UNC13B: variants seen among roughly 807,000 people sequenced by gnomAD.
The protein encoded by UNC13B is unc-13 homolog B.
Under a neutral mutation model 211.0 loss-of-function variants are expected in UNC13B, and 144 were observed. The observed-to-expected ratio is 0.68, with a 90% confidence interval of 0.60 to 0.78. The LOEUF is 0.78. Ranked by LOEUF, UNC13B falls within the 30% of genes least tolerant of loss-of-function variation. UNC13B has a pLI of 0.00. For missense variants in UNC13B, 1,777 were observed against 2,002.0 expected (o/e 0.89, Z 2.14); for synonymous variants, 709 against 725.8 (o/e 0.98, Z 0.37).
chr9:35,277,794 ACATATT>A (rs1487040050), intron 7 of UNC13B, among the ~76,000 whole-genome samples: 1 of 152,096 alleles, frequency 6.6e-6, no homozygotes, highest in African/African-American at 2.4e-5. Flanking sequence ...ATTTATAATT[ACATATT>A]CACATTGTGT....
chr9:35,217,386 TG>T (rs1824306719), intron 1 of UNC13B, among the ~76,000 whole-genome samples: 4 of 150,180 alleles, frequency 2.7e-5, no homozygotes, highest in Admixed American at 2.6e-4. Context: ...CTTGTTTGTT[TG>T]TTTTTTTTGT....
intron 1 of UNC13B, among the ~76,000 whole-genome samples, chr9:35,185,995 C>T (rs368196696): frequency 2.5e-4 from 38 of 151,644 alleles, no homozygotes; most frequent in African/African-American, 8.2e-4. Context: ...AATGGACCTC[C>T]CCCCTTGGCC....
chr9:35,250,773 C>T (rs1345138619), intron 6 of UNC13B, among the ~76,000 whole-genome samples: 2 of 152,116 alleles, frequency 1.3e-5, no homozygotes, highest in East Asian at 1.9e-4. Flanking sequence ...ATACTCCTAC[C>T]AGCAGTGTAT....
intron 7 of UNC13B, among the ~76,000 whole-genome samples, chr9:35,270,660 T>G (rs1827824267): frequency 6.6e-6 from 1 of 152,188 alleles, no homozygotes; most frequent in South Asian, 2.1e-4. Context: ...TTTAACAAAA[T>G]TTTATAATGT....
At chr9:35,368,504 A>G (rs1178223583) in intron 12 of UNC13B, among the ~76,000 whole-genome samples, 3 of 152,182 alleles carry the variant, frequency 2.0e-5, no homozygotes, top group African/African-American at 7.2e-5. Context: ...ATTGTGAATA[A>G]TGCTGCAGCG....
chr9:35,213,063 A>G (rs993560352), intron 1 of UNC13B, among the ~76,000 whole-genome samples: 1 of 152,200 alleles, frequency 6.6e-6, no homozygotes, highest in Admixed American at 6.5e-5. Context: ...AATAACACAC[A>G]ATATATTGAG....
chr9:35,399,773 A>C, intron 36 of UNC13B, 44 bp downstream of exon 36: 1 of 1,599,432 alleles, frequency 6.3e-7, no homozygotes, highest in Non-Finnish European at 8.6e-7. Flanking sequence ...CACCACACTC[A>C]CTTGGCCCTG....
At chr9:35,184,053 C>T (rs1019713244) in intron 1 of UNC13B, among the ~76,000 whole-genome samples, 23 of 146,796 alleles carry the variant, frequency 1.6e-4, no homozygotes, top group African/African-American at 3.1e-4. Context: ...CAGGCAGAGG[C>T]GCTCCTCACA....
At chr9:35,241,449 T>C (rs1825800649) in intron 5 of UNC13B, among the ~76,000 whole-genome samples, 1 of 152,134 alleles carries the variant, frequency 6.6e-6, no homozygotes, top group South Asian at 2.1e-4. Flanking sequence ...AATAATGGTT[T>C]AAAAAGTTAT....
chr9:35,380,296 A>G (rs1300990696), intron 17 of UNC13B, among the ~76,000 whole-genome samples, 174 bp from the exon 18 acceptor site: 1 of 152,170 alleles, frequency 6.6e-6, no homozygotes, highest in East Asian at 1.9e-4. Context: ...AGGAATGAAG[A>G]GTCATTTGCT....
chr9:35,309,267 A>G (rs1830073002), intron 9 of UNC13B, among the ~76,000 whole-genome samples: 1 of 150,606 alleles, frequency 6.6e-6, no homozygotes, highest in African/African-American at 2.5e-5. Context: ...GTGTGTGTAT[A>G]CTTATGTACA....
intron 27 of UNC13B, 100 bp from the exon 28 acceptor site, chr9:35,396,741 G>A: frequency 3.8e-6 from 6 of 1,598,874 alleles, no homozygotes; most frequent in East Asian, 2.2e-5. Context: ...GTGTTAAACT[G>A]TGCCCTGCCA....
chr9:35,339,279 A>G (rs1341626334), intron 11 of UNC13B, among the ~76,000 whole-genome samples: 2 of 152,186 alleles, frequency 1.3e-5, no homozygotes, highest in Non-Finnish European at 1.5e-5. Context: ...GAAGCTTCCC[A>G]ACTGAGGTGG....
intron 1 of UNC13B, among the ~76,000 whole-genome samples, chr9:35,206,675 A>T (rs1274742486): frequency 6.6e-6 from 1 of 152,090 alleles, no homozygotes; most frequent in Non-Finnish European, 1.5e-5. Context: ...AGAGATCGAG[A>T]CCATCCTGGC....
intron 1 of UNC13B, among the ~76,000 whole-genome samples, chr9:35,202,435 C>T (rs554782728): frequency 4.6e-5 from 7 of 152,098 alleles, no homozygotes; most frequent in African/African-American, 1.4e-4. Flanking sequence ...AGCTGTCTAA[C>T]GTTGACAGTG....
intron 2 of UNC13B, among the ~76,000 whole-genome samples, chr9:35,228,566 A>G (rs1824999774): frequency 6.6e-6 from 1 of 151,924 alleles, no homozygotes; most frequent in Admixed American, 6.6e-5. Context: ...CAGTTCATGA[A>G]CCTGTTTCAG....
chr9:35,170,687 G>A (rs1277699757), intron 1 of UNC13B, among the ~76,000 whole-genome samples: 1 of 152,102 alleles, frequency 6.6e-6, no homozygotes, highest in Non-Finnish European at 1.5e-5. Flanking sequence ...GCCCAGGCTG[G>A]TCTTGAACTC....
In UNC13B at chr9:35,323,785, T is replaced by C. The variant is rs543301197; in HGVS notation, c.9414+9796T>C. On this transcript the variant is annotated intron_variant, in intron 11 of 39. Transcript: ENST00000635942. ...TGAGGTTTGGTTTTCTCTGGCTTCCTCTGCCACTTCCAAGCCATTACTAGA... is the reference window on the plus strand; with the variant it reads ...TGAGGTTTGGTTTTCTCTGGCTTCCCCTGCCACTTCCAAGCCATTACTAGA... Among the ~76,000 whole-genome samples, 5 of 152,308 alleles carry C rather than the reference T, an allele frequency of 3.3e-5. No individual in the cohort carries two copies. The East Asian group carries it at 5.8e-4, about 18-fold the overall frequency.
chr9:35,243,975 A>C (rs1287657912), intron 6 of UNC13B, among the ~76,000 whole-genome samples: 1 of 152,174 alleles, frequency 6.6e-6, no homozygotes, highest in African/African-American at 2.4e-5. Context: ...ATTGTTGATA[A>C]ACAATTTCAT....
Sources: allele counts gnomAD v4.1 joint callset (sites outside exome capture counted in the v4.1 genomes callset), GRCh38; gene constraint gnomAD v4.1.1; transcripts MANE v1.5; gene names NCBI Gene and HGNC (gene_info 2026-07-23, HGNC 2026-07-21).